The following PUS7L variants were observed in gnomAD, a reference collection of about 807,000 sequenced individuals.
PUS7L encodes the protein pseudouridine synthase 7 like.
In PUS7L, 49 loss-of-function variants were observed where a neutral mutation model predicts 51.1. That is an observed-to-expected ratio of 0.96 (90% confidence interval 0.76 to 1.22). The LOEUF is 1.22. PUS7L is among the 50% of genes most tolerant of loss of function. PUS7L has a pLI of 0.00. For synonymous variants in PUS7L, 277 were observed against 276.2 expected (o/e 1.00, Z -0.03); for missense variants, 828 against 820.6 (o/e 1.01, Z -0.11).
chr12:43,743,154 C>CT (rs1937988904), intron 4 of PUS7L, among the ~76,000 whole-genome samples: 1 of 152,160 alleles, frequency 6.6e-6, no homozygotes, highest in Non-Finnish European at 1.5e-5. Flanking sequence ...TCACTTCCTG[C>CT]TGGAGGTGAA....
Position 43,724,990 on chromosome 12 carries a change from G to C in PUS7L, c.*5386C>G, listed in dbSNP as rs1325080064. On this transcript the variant is annotated 3_prime_UTR_variant, in exon 9 of 9. Coordinates refer to ENST00000344862, the MANE Select transcript of PUS7L (RefSeq NM_031292.5). ...CATTCTAGCTACATATTATATTGTT[G>C]ACTGCTGATGTTTCTGAGCCTGAGG... 6.6e-6 allele frequency: 1 copy of C among 152,050 alleles called. No individual in the cohort carries two copies. The highest frequency in any genetic ancestry group is 2.4e-5 in the African/African-American group (1 of 41,400). The allele number at this position is 152,050 out of a possible 1,614,324, so 9.4% of individuals were successfully genotyped here.
At position 43,746,239 on chromosome 12, in the gene PUS7L, C is replaced by T; in HGVS notation, c.1071-1G>A. On this transcript the variant is annotated splice_acceptor_variant, in intron 3 of 8. Transcript: ENST00000344862. LOFTEE classifies it high-confidence loss of function. Reference sequence around the variant, plus strand: ...AATTTCTTTTTCAATATTTTTCAACCTGTAAGTAATAAATCATATAAACTC... The same window carrying T: ...AATTTCTTTTTCAATATTTTTCAACTTGTAAGTAATAAATCATATAAACTC... The T allele has an allele frequency of 8.3e-7, 1 of 1,206,066 alleles. No homozygotes were observed. Among genetic ancestry groups the T allele is most frequent in the East Asian group, 2.5e-5 (1 of 39,976 alleles). The allele number at this position is 1,206,066 out of a possible 1,614,324, so 74.7% of individuals were successfully genotyped here.
chr12:43,746,968 T>C (rs1436359047), intron 3 of PUS7L, among the ~76,000 whole-genome samples: 2 of 152,208 alleles, frequency 1.3e-5, no homozygotes, highest in African/African-American at 4.8e-5. Context: ...CATCTAAAGT[T>C]CTTCTTTCTG....
chr12:43,751,570 GC>G (rs1231036034), intron 2 of PUS7L, among the ~76,000 whole-genome samples: 1 of 152,076 alleles, frequency 6.6e-6, no homozygotes, highest in East Asian at 1.9e-4. Flanking sequence ...GTGTGTATGT[GC>G]CACATTTTCT....
chr12:43,740,128 A>G (rs1306348492), intron 5 of PUS7L, among the ~76,000 whole-genome samples: 1 of 152,226 alleles, frequency 6.6e-6, no homozygotes, highest in Admixed American at 6.5e-5. Context: ...TTAATATTTT[A>G]AATCCTAAAT....
At position 43,736,017 on chromosome 12, in the gene PUS7L, G is replaced by A. The variant is rs148702416; in HGVS notation, c.1725+364C>T. ...TCTCAAACTCCTGACCTCGTGATCCGCCCACCTCAGCTTCCCAAAGTGCTG... is the reference window on the plus strand; with the variant it reads ...TCTCAAACTCCTGACCTCGTGATCCACCCACCTCAGCTTCCCAAAGTGCTG... On this transcript the variant is annotated intron_variant, in intron 7 of 8. Transcript: ENST00000344862. Among the ~76,000 whole-genome samples, 613 of 152,054 alleles carry A rather than the reference G, an allele frequency of 4.0e-3. 5 individuals carry two copies. The highest frequency in any genetic ancestry group is 0.014 in the African/African-American group (576 of 41,482).
rs1314084581 is a variant in PUS7L, at chr12:43,724,196, A to G, written c.*6180T>C. Reference sequence around the variant, plus strand: ...GTTCTCTTAAAGATTACTCCCAGGTAGAAAACGTTAAGGAACATTGACCTA... The same window carrying G: ...GTTCTCTTAAAGATTACTCCCAGGTGGAAAACGTTAAGGAACATTGACCTA... On this transcript the variant is annotated 3_prime_UTR_variant, in exon 9 of 9. Coordinates refer to ENST00000344862, the MANE Select transcript of PUS7L (RefSeq NM_031292.5). 1 of 152,068 alleles carries G rather than the reference A, an allele frequency of 6.6e-6. No individual in the cohort carries two copies. The highest frequency in any genetic ancestry group is 1.5e-5 in the Non-Finnish European group (1 of 67,936). 9.4% of individuals were successfully genotyped at this position (152,068 alleles called of 1,614,324 possible).
rs1168379649 is a variant in PUS7L, at chr12:43,725,740, G to T, written c.*4636C>A. 2 of 152,074 alleles carry T rather than the reference G, an allele frequency of 1.3e-5. No homozygotes were observed. The highest frequency in any genetic ancestry group is 4.8e-5 in the African/African-American group (2 of 41,402). 9.4% of individuals were successfully genotyped at this position (152,074 alleles called of 1,614,324 possible). A position where few individuals can be genotyped will look rare whatever the true frequency, so the allele number is the denominator to read the frequency against. On this transcript the variant is annotated 3_prime_UTR_variant, in exon 9 of 9. Transcript: ENST00000344862. ...GTTCTCAGAAGGCAAATGTTAGGTA[G>T]ATGAAAACAGTACTGATTTAAGAAG...
At position 43,728,592 on chromosome 12, in the gene PUS7L, T is replaced by C. The variant is rs534726583; in HGVS notation, c.*1784A>G. On this transcript the variant is annotated 3_prime_UTR_variant, in exon 9 of 9. Transcript: ENST00000344862. ...GCAGTAATCCAAAGAAAATCAATGGTACTACAATATCCAATTTTGTGTATT... is the reference window on the plus strand; with the variant it reads ...GCAGTAATCCAAAGAAAATCAATGGCACTACAATATCCAATTTTGTGTATT... 6.6e-6 allele frequency: 1 copy of C among 152,180 alleles called. No individual in the cohort carries two copies. Among genetic ancestry groups the C allele is most frequent in the African/African-American group, 2.4e-5 (1 of 41,538 alleles). The allele number at this position is 152,180 out of a possible 1,614,324, so 9.4% of individuals were successfully genotyped here. A position where few individuals can be genotyped will look rare whatever the true frequency, so the allele number is the denominator to read the frequency against.
In PUS7L at chr12:43,730,641, T is replaced by C. The variant is rs1339574275; in HGVS notation, c.1841A>G (p.Tyr614Cys). Reference sequence around the variant, plus strand: ...TCCATCTCTGCTAAGTATGTCATGGTACCACTGCCCTACTTTGTTCTTCGG... The same window carrying C: ...TCCATCTCTGCTAAGTATGTCATGGCACCACTGCCCTACTTTGTTCTTCGG... ...QYPKNKVGQW[Y>C]HDILSRDGLQ... The change falls in exon 9 of 9, where the codon TAC (tyrosine) becomes TGC (cysteine). Residue 614 changes from tyrosine to cysteine, a missense_variant. Tyr to Cys is a radical substitution (Grantham distance 194). Coordinates refer to ENST00000344862, the MANE Select transcript of PUS7L (RefSeq NM_031292.5). 2 of 1,613,560 alleles carry C rather than the reference T, an allele frequency of 1.2e-6. No homozygotes were observed. The highest frequency in any genetic ancestry group is 1.7e-6 in the Non-Finnish European group (2 of 1,179,682).
rs1944427859 is a variant in PUS7L, at chr12:43,724,184, T to C, written c.*6192A>G. On this transcript the variant is annotated 3_prime_UTR_variant, in exon 9 of 9. Coordinates refer to ENST00000344862, the MANE Select transcript of PUS7L (RefSeq NM_031292.5). ...CATTTTCTTTTTGTTCTCTTAAAGATTACTCCCAGGTAGAAAACGTTAAGG... is the reference window on the plus strand; with the variant it reads ...CATTTTCTTTTTGTTCTCTTAAAGACTACTCCCAGGTAGAAAACGTTAAGG... 1 of 151,946 alleles carries C rather than the reference T, an allele frequency of 6.6e-6. No individual in the cohort carries two copies. Among genetic ancestry groups the C allele is most frequent in the Non-Finnish European group, 1.5e-5 (1 of 67,914 alleles). 9.4% of individuals were successfully genotyped at this position (151,946 alleles called of 1,614,324 possible).
intron 8 of PUS7L, 56 bp downstream of exon 8, chr12:43,731,649 T>C (rs1053172111): frequency 3.0e-6 from 3 of 984,312 alleles, no homozygotes; most frequent in African/African-American, 1.7e-5. Context: ...ATTTTGCTTT[T>C]TGGGGACAAT....
chr12:43,758,665 C>CT lies in PUS7L; in HGVS notation c.-17+64_-17+65insA, dbSNP rs1555163685. ...ATGCCAACCTCGTCACCCCCCCCCC[C>CT]CACACACACACACACACACACACAT... On this transcript the variant is annotated intron_variant, in intron 1 of 8. Transcript: ENST00000344862. 4.9e-4 allele frequency: 275 copies of CT among 564,722 alleles called. 5 individuals carry two copies. Among genetic ancestry groups the CT allele is most frequent in the Non-Finnish European group, 5.4e-4 (269 of 500,050 alleles). The allele number at this position is 564,722 out of a possible 1,614,324, so 35.0% of individuals were successfully genotyped here.
intron 1 of PUS7L, among the ~76,000 whole-genome samples, chr12:43,757,726 G>A (rs1295274111): frequency 6.6e-6 from 1 of 152,202 alleles, no homozygotes; most frequent in Non-Finnish European, 1.5e-5. Flanking sequence ...TGAAGTGGAA[G>A]ATAATTAGAA....
In PUS7L at chr12:43,755,174, A is replaced by G. The variant is rs758044877; in HGVS notation, c.72T>C (p.His24=). The G allele has an allele frequency of 1.2e-6, 2 of 1,612,766 alleles. No individual in the cohort carries two copies. The highest frequency in any genetic ancestry group is 1.7e-6 in the Non-Finnish European group (2 of 1,179,174). The part of the protein sequence containing the change: ...LCFFNDHVGF[H]GTIKSSPSDF... ...CACTTGGTGAGCTTTTTATAGTGCC[A>G]TGAAATCCAACGTGATCATTAAAGA... is the stretch of plus-strand genomic sequence containing the variant. Residue 24 remains histidine, a synonymous_variant, in exon 2 of 9, where the codon CAT becomes CAC. Coordinates refer to ENST00000344862, the MANE Select transcript of PUS7L (RefSeq NM_031292.5).
At chr12:43,738,169 A>G (rs1937701265) in intron 6 of PUS7L, 141 bp downstream of exon 6, 2 of 588,472 alleles carry the variant, frequency 3.4e-6, no homozygotes. Flanking sequence ...AAGTCATGTA[A>G]TAAAAGTGTT....
At chr12:43,747,361 C>T (rs7311465) in intron 3 of PUS7L, among the ~76,000 whole-genome samples, 34,871 of 151,986 alleles carry the variant, frequency 0.23, 6,338 homozygotes, top group African/African-American at 0.51. Flanking sequence ...TTTTATAAAG[C>T]AAAATATAAA....
chr12:43,729,024 G>A lies in PUS7L; in HGVS notation c.*1352C>T. Reference sequence around the variant, plus strand: ...CTCTTATTTGTGAAAGATGAATTCAGAGTATTATTGCAGTTGTAACATATG... The same window carrying A: ...CTCTTATTTGTGAAAGATGAATTCAAAGTATTATTGCAGTTGTAACATATG... On this transcript the variant is annotated 3_prime_UTR_variant, in exon 9 of 9. Coordinates refer to ENST00000344862, the MANE Select transcript of PUS7L (RefSeq NM_031292.5). The A allele has an allele frequency of 2.6e-6, 1 of 377,754 alleles. No homozygotes were observed. Among genetic ancestry groups the A allele is most frequent in the Non-Finnish European group, 4.7e-6 (1 of 212,478 alleles). The allele number at this position is 377,754 out of a possible 1,614,324, so 23.4% of individuals were successfully genotyped here. A position where few individuals can be genotyped will look rare whatever the true frequency, so the allele number is the denominator to read the frequency against.
At chr12:43,730,940 ATAT>A (rs1173113210) in intron 8 of PUS7L, among the ~76,000 whole-genome samples, 1 of 152,192 alleles carries the variant, frequency 6.6e-6, no homozygotes, top group African/African-American at 2.4e-5. Context: ...CTCAAATCAG[ATAT>A]TATTAAACAA....
Sources: gnomAD v4.1 joint callset for allele counts (sites outside exome capture counted in the v4.1 genomes callset) on GRCh38, gnomAD v4.1.1 for gene constraint, MANE v1.5 for transcripts, NCBI Gene and HGNC (gene_info 2026-07-23, HGNC 2026-07-21) for gene names.